ESR1: variants seen among roughly 807,000 people sequenced by gnomAD.
ESR1 encodes the protein estrogen receptor.
A neutral mutation model predicts 52.7 loss-of-function variants in ESR1; 12 were observed. The observed-to-expected ratio is 0.23, with a 90% CI of 0.15 to 0.37. The LOEUF is 0.37. Ranked by LOEUF, ESR1 falls within the 10% of genes least tolerant of loss-of-function variation. The probability of loss-of-function intolerance (pLI) is 1.00; values close to 1 mark genes in which losing one functional copy is unlikely to be tolerated. For synonymous variants in ESR1, 305 were observed against 316.8 expected, an observed-to-expected ratio of 0.96 and a Z score of 0.39; for missense variants, 584 against 779.7, an observed-to-expected ratio of 0.75 and a Z score of 2.99.
chr6:151,823,551 C>T (rs1290286961), intron 1 of ESR1, among the ~76,000 whole-genome samples: 12 of 151,876 alleles, frequency 7.9e-5, no homozygotes, highest in Non-Finnish European at 1.6e-4. Flanking sequence ...ATACATGTGC[C>T]ATGTTGGTGT....
chr6:151,853,031 G>T (rs543129485), intron 2 of ESR1, among the ~76,000 whole-genome samples: 16 of 151,694 alleles, frequency 1.1e-4, no homozygotes, highest in African/African-American at 3.4e-4. Context: ...AATTAGCTAG[G>T]CATGGTGGTG....
At chr6:151,721,298 A>C (rs1463315789) in intron 2 of ESR1, among the ~76,000 whole-genome samples, 1 of 152,230 alleles carries the variant, frequency 6.6e-6, no homozygotes. Context: ...TAAGTGGTTC[A>C]TTACGGCTAG....
chr6:151,710,415 A>G (rs1434121441), intron 2 of ESR1, among the ~76,000 whole-genome samples: 1 of 152,174 alleles, frequency 6.6e-6, no homozygotes, highest in Non-Finnish European at 1.5e-5. Flanking sequence ...ATCACACAAT[A>G]TATCAGAAAA....
At chr6:151,818,756 T>C (rs1381631709) in intron 1 of ESR1, among the ~76,000 whole-genome samples, 1 of 152,058 alleles carries the variant, frequency 6.6e-6, no homozygotes, top group East Asian at 1.9e-4. Flanking sequence ...CAAACTCTAA[T>C]TAATCATAAG....
At chr6:151,898,952 C>T (rs1373486127) in intron 3 of ESR1, among the ~76,000 whole-genome samples, 2 of 152,174 alleles carry the variant, frequency 1.3e-5, no homozygotes, top group African/African-American at 4.8e-5. Context: ...GGCAGAGCGG[C>T]TCCTCACTTC....
chr6:151,915,735 A>G (rs534124754), intron 3 of ESR1, among the ~76,000 whole-genome samples: 2 of 152,302 alleles, frequency 1.3e-5, no homozygotes, highest in South Asian at 4.1e-4. Context: ...TTATAAATGT[A>G]TCTTACCTGG....
At chr6:152,106,402 T>G (rs2051067881), downstream of ESR1, among the ~76,000 whole-genome samples, 1 of 152,226 alleles carries the variant, frequency 6.6e-6, no homozygotes, top group African/African-American at 2.4e-5. Flanking sequence ...TCGTTTTCTT[T>G]TAGCCTGAAG....
At chr6:151,901,347 T>TG (rs1796663236) in intron 3 of ESR1, among the ~76,000 whole-genome samples, 1 of 152,188 alleles carries the variant, frequency 6.6e-6, no homozygotes, top group African/African-American at 2.4e-5. Context: ...GCTAAGAACT[T>TG]GCCGCAGGCT....
chr6:151,870,845 T>G (rs768319008), intron 2 of ESR1, among the ~76,000 whole-genome samples: 31 of 151,400 alleles, frequency 2.0e-4, no homozygotes, highest in Admixed American at 1.3e-3. Context: ...ATCTTCAGCT[T>G]CTTCTTCTTC....
intron 4 of ESR1, among the ~76,000 whole-genome samples, chr6:152,008,010 A>G (rs1055524077): frequency 2.0e-5 from 3 of 152,126 alleles, no homozygotes; most frequent in Non-Finnish European, 2.9e-5. Context: ...ATGTCTATCC[A>G]TAGTTGGCCC....
chr6:151,693,104 G>A, intron 1 of ESR1, among the ~76,000 whole-genome samples: 1 of 152,160 alleles, frequency 6.6e-6, no homozygotes, highest in Admixed American at 6.6e-5. Flanking sequence ...AGTACTAACA[G>A]TAGCTACCAG....
chr6:151,913,863 T>A (rs1252535690), intron 3 of ESR1, among the ~76,000 whole-genome samples: 2 of 152,178 alleles, frequency 1.3e-5, no homozygotes, highest in African/African-American at 4.8e-5. Flanking sequence ...AGTTAAAAAA[T>A]GATTCCTTTT....
At chr6:151,936,668 A>C (rs930813006) in intron 3 of ESR1, among the ~76,000 whole-genome samples, 3 of 152,214 alleles carry the variant, frequency 2.0e-5, no homozygotes, top group Admixed American at 2.0e-4. Flanking sequence ...AAAACTGGAC[A>C]AAACACTGGA....
At position 151,669,899 on chromosome 6, in the gene ESR1, G is replaced by T. The variant is rs537231180; in HGVS notation, n.73+13136G>T. Reference sequence around the variant, plus strand: ...TTGCATTGGGGAGAAGGACACATGGGAGAGGGAAGAAATGGAAGACACGGA... The same window carrying T: ...TTGCATTGGGGAGAAGGACACATGGTAGAGGGAAGAAATGGAAGACACGGA... On this transcript the variant is annotated intron_variant and non_coding_transcript_variant, in intron 1 of 2. Coordinates refer to the ESR1 transcript ENST00000473497. Among the ~76,000 whole-genome samples, 4 of 152,290 alleles carry T rather than the reference G, an allele frequency of 2.6e-5. No individual in the cohort carries two copies. In the South Asian group the frequency reaches 8.3e-4, roughly 32 times the overall value.
At position 152,041,679 on chromosome 6, in the gene ESR1, A is replaced by G. The variant is rs192061208; in HGVS notation, c.1236-19312A>G. Among the ~76,000 whole-genome samples the G allele has an allele frequency of 2.0e-5, 3 of 152,328 alleles. No individual in the cohort carries two copies. In the East Asian group the frequency reaches 5.8e-4, roughly 29 times the overall value. On this transcript the variant is annotated intron_variant, in intron 5 of 7. Transcript: ENST00000206249. ...CAGCATAATGTCATGAATATAATGG[A>G]CCAGTGTGATATCTTGTGGAAGAGA... is the stretch of plus-strand genomic sequence containing the variant.
chr6:151,665,813 G>GAC (rs1410180702), intron 1 of ESR1, among the ~76,000 whole-genome samples: 4 of 152,132 alleles, frequency 2.6e-5, no homozygotes, highest in Non-Finnish European at 5.9e-5. Context: ...GGAATATAGA[G>GAC]ACATTATCTC....
intron 6 of ESR1, among the ~76,000 whole-genome samples, chr6:152,065,192 G>T (rs961268015): frequency 1.3e-5 from 2 of 152,216 alleles, no homozygotes; most frequent in Non-Finnish European, 2.9e-5. Context: ...CTGTTATCCT[G>T]AGACTATTAA....
chr6:151,878,793 G>A (rs1792289918), intron 2 of ESR1, among the ~76,000 whole-genome samples: 1 of 152,098 alleles, frequency 6.6e-6, no homozygotes, highest in Non-Finnish European at 1.5e-5. Flanking sequence ...TTAGACTTAT[G>A]CAGACAGACT....
At chr6:152,039,922 G>A (rs898845158) in intron 5 of ESR1, among the ~76,000 whole-genome samples, 1 of 152,290 alleles carries the variant, frequency 6.6e-6, no homozygotes, top group African/African-American at 2.4e-5. Flanking sequence ...CTTGTTCAGA[G>A]GCAATGCTGT....
Sources: gnomAD v4.1 joint callset for allele counts (sites outside exome capture counted in the v4.1 genomes callset) on GRCh38, gnomAD v4.1.1 for gene constraint, MANE v1.5 for transcripts, NCBI Gene and HGNC (gene_info 2026-07-23, HGNC 2026-07-21) for gene names.